Variants in COL5A2 observed in about 807,000 individuals in gnomAD.
COL5A2 encodes the protein collagen type V alpha 2 chain.
In COL5A2, 23 loss-of-function variants were observed where a neutral mutation model predicts 208.2. The observed-to-expected ratio is 0.11, with a 90% CI of 0.08 to 0.16. The LOEUF is 0.16. COL5A2 is among the 10% of genes least tolerant of loss of function. The pLI, the probability that COL5A2 is intolerant of heterozygous loss-of-function variation, is 1.00. For missense variants in COL5A2, 1,590 were observed against 1,956.4 expected, an observed-to-expected ratio of 0.81 and a Z score of 3.53; for synonymous variants, 625 against 628.5, an observed-to-expected ratio of 0.99 and a Z score of 0.08.
chr2:189,081,066 G>T (rs747026710), intron 12 of COL5A2, 23 bp from the exon 13 acceptor site: 2 of 1,603,322 alleles, frequency 1.2e-6, no homozygotes, highest in Non-Finnish European at 1.7e-6. Flanking sequence ...CATAGATAGG[G>T]CATTTTACAG....
At chr2:189,058,741 C>G in intron 32 of COL5A2, 108 bp downstream of exon 32, 1 of 1,096,212 alleles carries the variant, frequency 9.1e-7, no homozygotes, top group Non-Finnish European at 1.3e-6. Flanking sequence ...TTTATCCAGT[C>G]AAAGAATTTA....
At chr2:189,053,098 C>T in intron 38 of COL5A2, 80 bp from the exon 39 acceptor site, 1 of 1,100,488 alleles carries the variant, frequency 9.1e-7, no homozygotes, top group Non-Finnish European at 1.4e-6. Context: ...ACTAATGTAT[C>T]AATTAATCAT....
At chr2:189,127,504 G>A (rs1687629827) in intron 1 of COL5A2, among the ~76,000 whole-genome samples, 1 of 151,872 alleles carries the variant, frequency 6.6e-6, no homozygotes, top group Non-Finnish European at 1.5e-5. Flanking sequence ...GAAAACCTAG[G>A]CTTTTTTATT....
At chr2:189,361,880 C>T in the COL5A2 span, among the ~76,000 whole-genome samples, 2 of 140,994 alleles carry the variant, frequency 1.4e-5, no homozygotes, top group African/African-American at 2.6e-5. Flanking sequence ...AGAAAAGTAA[C>T]CAAAAAAAAT....
Position 189,058,469 on chromosome 2 carries a change from T to G in COL5A2, c.2189A>C (p.Glu730Ala). 1 of 1,614,072 alleles carries G rather than the reference T, an allele frequency of 6.2e-7. No homozygotes were observed. Among genetic ancestry groups the G allele is most frequent in the Non-Finnish European group, 8.5e-7 (1 of 1,179,980 alleles). Residue 730 changes from glutamate to alanine, a missense_variant, in exon 33 of 54, where the codon GAG becomes GCG. Physicochemically the swap from Glu to Ala is moderately radical, Grantham distance 107 (BLOSUM62 -1). Coordinates refer to ENST00000374866, the MANE Select transcript of COL5A2 (RefSeq NM_000393.5). ...ACCATGTCCTCCAGCCATTCCCTTC[T>G]CACCAGGGAGTCCAGTTATCCCAGG... ...GEPGITGLPGEKGMAGGHGPD... is the reference protein window; with the variant it reads ...GEPGITGLPGAKGMAGGHGPD...
intron 1 of COL5A2, among the ~76,000 whole-genome samples, chr2:189,144,244 A>G (rs147591398): frequency 1.5e-3 from 231 of 152,268 alleles, no homozygotes; most frequent in Non-Finnish European, 2.7e-3. Context: ...ATGAAAGAGA[A>G]AAAAAAGGTA....
intron 19 of COL5A2, 98 bp downstream of exon 19, chr2:189,068,688 A>G: frequency 1.2e-6 from 1 of 844,202 alleles, no homozygotes; most frequent in Non-Finnish European, 2.0e-6. Flanking sequence ...ATATGTACAA[A>G]TATTATGTAT....
intron 1 of COL5A2, among the ~76,000 whole-genome samples, chr2:189,148,331 T>A (rs1688079533): frequency 6.6e-6 from 1 of 152,028 alleles, no homozygotes; most frequent in African/African-American, 2.4e-5. Context: ...TAGAAAAACA[T>A]CATGTGGCAT....
the COL5A2 span, among the ~76,000 whole-genome samples, chr2:189,434,658 T>C: frequency 6.6e-6 from 1 of 152,146 alleles, no homozygotes; most frequent in Non-Finnish European, 1.5e-5. Flanking sequence ...TACAAATCAC[T>C]GCTAAACGAA....
At chr2:189,144,621 AATACAT>A (rs1364759468) in intron 1 of COL5A2, among the ~76,000 whole-genome samples, 2 of 151,802 alleles carry the variant, frequency 1.3e-5, no homozygotes, top group South Asian at 2.1e-4. Context: ...TGAATTAAAA[AATACAT>A]ATATTTTATA....
chr2:189,143,947 G>T (rs78720313), intron 1 of COL5A2, among the ~76,000 whole-genome samples: 3,125 of 152,148 alleles, frequency 0.021, 65 homozygotes, highest in Admixed American at 0.057. Flanking sequence ...AATTCTTAAA[G>T]AACTAGACAT....
At chr2:189,129,193 A>T (rs1341980956) in intron 1 of COL5A2, among the ~76,000 whole-genome samples, 1 of 152,048 alleles carries the variant, frequency 6.6e-6, no homozygotes, top group African/African-American at 2.4e-5. Context: ...TTAACAAGAA[A>T]AAACAACTAC....
intron 1 of COL5A2, among the ~76,000 whole-genome samples, chr2:189,215,799 T>A (rs1689271936): frequency 6.6e-6 from 1 of 152,150 alleles, no homozygotes; most frequent in Non-Finnish European, 1.5e-5. Context: ...TTCTACCTCT[T>A]TCGCCTATTC....
chr2:189,339,311 ACTGCACTC>A, the COL5A2 span, among the ~76,000 whole-genome samples: 1 of 151,186 alleles, frequency 6.6e-6, no homozygotes, highest in East Asian at 1.9e-4. Context: ...AGACTGCGCC[ACTGCACTC>A]CAGCCTATAC....
At chr2:189,086,692 C>T (rs1686670612) in intron 9 of COL5A2, 34 bp downstream of exon 9, 1 of 1,527,276 alleles carries the variant, frequency 6.5e-7, no homozygotes, top group South Asian at 1.2e-5. Flanking sequence ...GTATGTTTTT[C>T]TTACAGCATG....
chr2:189,370,634 C>T, the COL5A2 span, among the ~76,000 whole-genome samples: 1 of 152,104 alleles, frequency 6.6e-6, no homozygotes, highest in South Asian at 2.1e-4. Context: ...AACACCCATA[C>T]AACATGCACA....
chr2:189,036,976 A>T (rs1480374013), intron 51 of COL5A2, among the ~76,000 whole-genome samples, 173 bp from the exon 52 acceptor site: 1 of 152,164 alleles, frequency 6.6e-6, no homozygotes, highest in East Asian at 1.9e-4. Context: ...GCCTTTCTAC[A>T]TTCTAGTCGC....
the COL5A2 span, among the ~76,000 whole-genome samples, chr2:189,237,206 G>A: frequency 2.0e-5 from 3 of 151,468 alleles, no homozygotes; most frequent in Non-Finnish European, 4.4e-5. Context: ...TATTCCAGTT[G>A]CAATTGTTTT....
At chr2:189,060,896 G>A in intron 30 of COL5A2, 113 bp from the exon 31 acceptor site, 1 of 742,586 alleles carries the variant, frequency 1.3e-6, no homozygotes, top group Non-Finnish European at 2.4e-6. Context: ...TATTTTCAAT[G>A]AAAATATATT....
Sources: allele counts gnomAD v4.1 joint callset (sites outside exome capture counted in the v4.1 genomes callset), GRCh38; gene constraint gnomAD v4.1.1; transcripts MANE v1.5; gene names NCBI Gene and HGNC (gene_info 2026-07-23, HGNC 2026-07-21).